The following DIP2A variants were observed in gnomAD, a reference collection of about 807,000 sequenced individuals.
The protein encoded by DIP2A is disco-interacting protein 2 homolog A.
DIP2A carries 85 observed loss-of-function variants against 177.4 expected under a neutral mutation model. The ratio of observed to expected loss-of-function variants is 0.48; its 90% confidence interval spans 0.40 to 0.57. The LOEUF (loss-of-function observed/expected upper bound fraction) is 0.57, where lower values mean the gene tolerates loss of function less well. Ranked by LOEUF, DIP2A falls within the 20% of genes least tolerant of loss-of-function variation. The probability of loss-of-function intolerance (pLI) is 0.00; values close to 1 mark genes in which losing one functional copy is unlikely to be tolerated. For missense variants in DIP2A, 1,791 were observed against 2,100.2 expected, an observed-to-expected ratio of 0.85 and a Z score of 2.88; for synonymous variants, 886 against 881.8, an observed-to-expected ratio of 1.00 and a Z score of -0.08.
At chr21:46,476,792 A>T (rs1568926096) in intron 1 of DIP2A, among the ~76,000 whole-genome samples, 1 of 151,800 alleles carries the variant, frequency 6.6e-6, no homozygotes, top group East Asian at 1.9e-4. Flanking sequence ...CAGTAGCGAG[A>T]TTACAGGTGT....
chr21:46,494,054 T>G (rs575303729), intron 3 of DIP2A, among the ~76,000 whole-genome samples: 39 of 152,366 alleles, frequency 2.6e-4, no homozygotes, highest in African/African-American at 9.1e-4. Flanking sequence ...TTGGTTTCTG[T>G]ATCTGAAAAG....
chr21:46,531,559 A>G (rs1022447984), intron 9 of DIP2A, among the ~76,000 whole-genome samples: 2 of 152,240 alleles, frequency 1.3e-5, no homozygotes, highest in African/African-American at 4.8e-5. Context: ...TTACAAGGAT[A>G]AAGACTTTCA....
At chr21:46,549,140 GTGT>G (rs2060172923) in intron 21 of DIP2A, among the ~76,000 whole-genome samples, 1 of 152,176 alleles carries the variant, frequency 6.6e-6, no homozygotes, top group Non-Finnish European at 1.5e-5. Context: ...GTGTGTGTGT[GTGT>G]ACACACACAC....
rs1601788911 is a variant in DIP2A at position 46,546,814 on chromosome 21, T to C, written c.2395-101T>C. 15 of 1,387,482 alleles carry C rather than the reference T, an allele frequency of 1.1e-5. No homozygotes were observed. The East Asian group carries it at 3.4e-4, about 31-fold the overall frequency. 85.9% of individuals were successfully genotyped at this position (1,387,482 alleles called of 1,614,324 possible). A position where few individuals can be genotyped will look rare whatever the true frequency, so the allele number is the denominator to read the frequency against. ...GACCCGTTTGCAAGGCGCTAGAGGC[T>C]CCTGTGCTGTTGGCCCCTTCTTGGG... On this transcript the variant is annotated intron_variant, in intron 20 of 37. Coordinates refer to ENST00000417564, the MANE Select transcript of DIP2A (RefSeq NM_015151.4).
chr21:46,577,921 T>G, the DIP2A span, among the ~76,000 whole-genome samples: 3 of 152,244 alleles, frequency 2.0e-5, no homozygotes, highest in Non-Finnish European at 4.4e-5. Context: ...CACTTAAGAT[T>G]TGGCACTCTG....
At position 46,556,215 on chromosome 21, in the gene DIP2A, G is replaced by T; in HGVS notation, c.3498+124G>T. ...ATGCAAAGCACAAAGCAACAATTTTGCTTCTTAAGATTTGTGTTAAATACC... is the reference window on the plus strand; with the variant it reads ...ATGCAAAGCACAAAGCAACAATTTTTCTTCTTAAGATTTGTGTTAAATACC... On this transcript the variant is annotated intron_variant, in intron 29 of 37. Transcript: ENST00000417564. The surrounding 1 kb of genome is among the most constrained non-coding windows in gnomAD (Gnocchi z 4.5). The T allele has an allele frequency of 7.1e-7, 1 of 1,410,402 alleles. No individual in the cohort carries two copies. The highest frequency in any genetic ancestry group is 9.9e-7 in the Non-Finnish European group (1 of 1,011,420). The allele number at this position is 1,410,402 out of a possible 1,614,324, so 87.4% of individuals were successfully genotyped here.
chr21:46,497,634 C>T (rs575250301), intron 4 of DIP2A, among the ~76,000 whole-genome samples: 23 of 152,122 alleles, frequency 1.5e-4, no homozygotes, highest in Non-Finnish European at 2.8e-4. Context: ...TTTTAGTCTT[C>T]CTGTTAAACT....
chr21:46,534,903 T>C (rs2059500213), intron 13 of DIP2A, among the ~76,000 whole-genome samples: 1 of 152,172 alleles, frequency 6.6e-6, no homozygotes, highest in African/African-American at 2.4e-5. Context: ...CGGTGTCTCT[T>C]AGCAGAGTCC....
chr21:46,541,703 C>T (rs948688181), intron 17 of DIP2A, 53 bp from the exon 18 acceptor site: 2 of 1,610,568 alleles, frequency 1.2e-6, no homozygotes, highest in African/African-American at 1.3e-5. Flanking sequence ...GGCCCACCTC[C>T]CTGGAATTTC....
intron 37 of DIP2A, 92 bp from the exon 38 acceptor site, chr21:46,567,278 C>T: frequency 2.0e-6 from 3 of 1,522,054 alleles, no homozygotes; most frequent in South Asian, 2.6e-5. Context: ...TGGTGGGCTT[C>T]ACTCTTCTTT....
intron 18 of DIP2A, among the ~76,000 whole-genome samples, 186 bp from the exon 19 acceptor site, chr21:46,544,951 A>G (rs2059968745): frequency 1.3e-5 from 2 of 152,250 alleles, no homozygotes; most frequent in African/African-American, 4.8e-5. Flanking sequence ...AAAATATTAC[A>G]TATAAAATAT....
intron 17 of DIP2A, 59 bp downstream of exon 17, chr21:46,540,050 G>C: frequency 7.1e-7 from 1 of 1,407,328 alleles, no homozygotes; most frequent in East Asian, 2.3e-5. Context: ...GCATACAGCT[G>C]AGTTATCCTG....
At position 46,534,222 on chromosome 21, in the gene DIP2A, A is replaced by G. The variant is rs552985052; in HGVS notation, c.1539+109A>G. ...TTCTTTTTTGTTAAGTTTCGGCCTA[A>G]GAGTTCTTGTTTTATCTCTGCCCTG... On this transcript the variant is annotated intron_variant, in intron 12 of 37. Coordinates refer to ENST00000417564, the MANE Select transcript of DIP2A (RefSeq NM_015151.4). 1.2e-5 allele frequency: 11 copies of G among 880,500 alleles called. 1 individual carries two copies. The South Asian group carries it at 1.8e-4, about 14-fold the overall frequency. 54.5% of individuals were successfully genotyped at this position (880,500 alleles called of 1,614,324 possible). A position where few individuals can be genotyped will look rare whatever the true frequency, so the allele number is the denominator to read the frequency against.
chr21:46,501,335 ACTTTTAATTATAGTAGCTT>A lies in DIP2A; in HGVS notation c.655+2522_655+2540del, dbSNP rs1251170954. On this transcript the variant is annotated intron_variant, in intron 5 of 37. Transcript: ENST00000417564. ...GTAAATACCTATTTTTAAAAGCAGT[ACTTTTAATTATAGTAGCTT>A]CTTTTAATTATAGTAGCTTATTTTT... Among the ~76,000 whole-genome samples, 8 of 152,140 alleles carry A rather than the reference ACTTTTAATTATAGTAGCTT, an allele frequency of 5.3e-5. No homozygotes were observed. In the East Asian group the frequency reaches 9.6e-4, roughly 18 times the overall value.
intron 8 of DIP2A, among the ~76,000 whole-genome samples, chr21:46,515,464 T>C (rs900634184): frequency 1.3e-5 from 2 of 151,874 alleles, no homozygotes; most frequent in African/African-American, 4.8e-5. Context: ...TTTTTTTTTT[T>C]TATATATTCT....
At chr21:46,522,962 G>T (rs1297335029) in intron 8 of DIP2A, among the ~76,000 whole-genome samples, 2 of 151,260 alleles carry the variant, frequency 1.3e-5, no homozygotes, top group Non-Finnish European at 2.9e-5. Flanking sequence ...TCTTGCTCTT[G>T]TTGCCCAGGC....
At chr21:46,558,640 A>G (rs1601842998) in intron 32 of DIP2A, 1 of 537,514 alleles carries the variant, frequency 1.9e-6, no homozygotes, top group East Asian at 3.3e-5. Context: ...TAATAACTGT[A>G]AGACTCTCTA....
intron 25 of DIP2A, among the ~76,000 whole-genome samples, chr21:46,552,426 T>C (rs1008205782): frequency 1.3e-5 from 2 of 152,174 alleles, no homozygotes; most frequent in African/African-American, 2.4e-5. Context: ...ACATTCAGGA[T>C]GTCAAGAAGG....
At chr21:46,510,953 A>T (rs1226241904) in intron 7 of DIP2A, among the ~76,000 whole-genome samples, 1 of 150,730 alleles carries the variant, frequency 6.6e-6, no homozygotes, top group African/African-American at 2.5e-5. Context: ...TAATCTTTTA[A>T]TTCTTTTTCT....
Sources: allele counts gnomAD v4.1 joint callset (sites outside exome capture counted in the v4.1 genomes callset), GRCh38; gene constraint gnomAD v4.1.1; non-coding constraint Gnocchi (gnomAD v3.1); transcripts MANE v1.5; gene names NCBI Gene and HGNC (gene_info 2026-07-23, HGNC 2026-07-21).